SVOP: variants seen among roughly 807,000 people sequenced by gnomAD.
SVOP encodes the protein synaptic vesicle 2-related protein.
Under a neutral mutation model 69.1 loss-of-function variants are expected in SVOP, and 17 were observed. The observed-to-expected ratio is 0.25, with a 90% CI of 0.17 to 0.37. The LOEUF is 0.37. Ranked by LOEUF, SVOP falls within the 10% of genes least tolerant of loss-of-function variation. The pLI is 1.00. For missense variants in SVOP, 435 were observed against 597.5 expected, an observed-to-expected ratio of 0.73 and a Z score of 2.84; for synonymous variants, 238 against 238.6, an observed-to-expected ratio of 1.00 and a Z score of 0.02.
chr12:108,937,847 G>T (rs547096733), intron 9 of SVOP, among the ~76,000 whole-genome samples: 1 of 152,286 alleles, frequency 6.6e-6, no homozygotes, highest in Admixed American at 6.5e-5. Flanking sequence ...TTTGCTTTAC[G>T]ATGTTCTTTA....
intron 1 of SVOP, among the ~76,000 whole-genome samples, chr12:109,017,365 A>C (rs1285478936): frequency 1.4e-5 from 2 of 147,966 alleles, no homozygotes; most frequent in South Asian, 4.3e-4. Context: ...CTACCTAACC[A>C]CCCCCATCCA....
intron 2 of SVOP, among the ~76,000 whole-genome samples, chr12:108,982,414 CATCACCATCATCATG>C (rs2040141712): frequency 6.6e-6 from 1 of 150,602 alleles, no homozygotes; most frequent in Admixed American, 6.6e-5. Flanking sequence ...TCATCATCAC[CATCACCATCATCATG>C]ATCACCATCA....
chr12:108,966,528 AGGCTTGCCAGCTGCCT>A (rs1226002053), intron 5 of SVOP, among the ~76,000 whole-genome samples: 1 of 111,042 alleles, frequency 9.0e-6, no homozygotes, highest in Non-Finnish European at 2.1e-5. Flanking sequence ...GTGGTTGCCA[AGGCTTGCCAGCTGCCT>A]GGCTTGCACA....
At chr12:108,972,609 G>A (rs754295999) in intron 4 of SVOP, 133 bp from the exon 5 acceptor site, 3 of 910,750 alleles carry the variant, frequency 3.3e-6, no homozygotes, top group Admixed American at 2.1e-5. Context: ...AGCCTGCCAA[G>A]GGGCAAACAC....
At chr12:108,936,054 A>C (rs1248767244) in intron 10 of SVOP, among the ~76,000 whole-genome samples, 1 of 151,390 alleles carries the variant, frequency 6.6e-6, no homozygotes, top group Non-Finnish European at 1.5e-5. Flanking sequence ...ACACACACAC[A>C]TGTATTTTTG....
rs1036022317 is a variant in SVOP at position 108,912,332 on chromosome 12, C to T, written c.*203G>A. 5 of 1,435,544 alleles carry T rather than the reference C, an allele frequency of 3.5e-6. No homozygotes were observed. The highest frequency in any genetic ancestry group is 1.8e-6 in the Non-Finnish European group (2 of 1,099,358). The allele number at this position is 1,435,544 out of a possible 1,614,324, so 88.9% of individuals were successfully genotyped here. ...AAGCTTTCACCACATATACAGAGAA[C>T]CCCCTAGAGCAAACATCTCCCCATC... On this transcript the variant is annotated 3_prime_UTR_variant, in exon 16 of 16. Coordinates refer to ENST00000610966, the MANE Select transcript of SVOP (RefSeq NM_018711.5).
chr12:108,929,938 G>A (rs1221289065), intron 11 of SVOP, among the ~76,000 whole-genome samples: 1 of 152,068 alleles, frequency 6.6e-6, no homozygotes, highest in Non-Finnish European at 1.5e-5. Flanking sequence ...CTGGAACCCA[G>A]GTCTCCTAAT....
chr12:108,972,529 G>T, intron 4 of SVOP, 53 bp from the exon 5 acceptor site: 2 of 1,511,716 alleles, frequency 1.3e-6, no homozygotes, highest in East Asian at 2.5e-5. Flanking sequence ...TCATTGCACA[G>T]AAAGGGAACA....
At chr12:109,014,477 T>C (rs1282322658) in intron 1 of SVOP, among the ~76,000 whole-genome samples, 1 of 152,214 alleles carries the variant, frequency 6.6e-6, no homozygotes, top group East Asian at 1.9e-4. Context: ...TGTTTGGCTA[T>C]AGTGAATAAT....
chr12:108,973,690 C>CA (rs767516747), intron 4 of SVOP, among the ~76,000 whole-genome samples: 5 of 152,164 alleles, frequency 3.3e-5, no homozygotes, highest in Non-Finnish European at 7.3e-5. Flanking sequence ...TGAGCCACTA[C>CA]ACCTGGCCCG....
chr12:109,005,559 A>G (rs1044484148), intron 1 of SVOP, among the ~76,000 whole-genome samples: 6 of 152,302 alleles, frequency 3.9e-5, no homozygotes, highest in Admixed American at 1.3e-4. Flanking sequence ...ACAAGTAAAC[A>G]AATACATCAC....
At chr12:109,013,834 C>G (rs937606440) in intron 1 of SVOP, among the ~76,000 whole-genome samples, 1 of 152,064 alleles carries the variant, frequency 6.6e-6, no homozygotes, top group Non-Finnish European at 1.5e-5. Flanking sequence ...CACCAACTCC[C>G]CATTCCCTCT....
Position 108,938,937 on chromosome 12 carries a change from T to C in SVOP, c.787A>G (p.Arg263Gly). ...TGGTTCCCTGACAGCACATCATACC[T>C]TGCACTTTCAGGCAGCCACTGGGAT... ...VLCFWLPESA[R>G]YDVLSGNQEK... Residue 263 changes from arginine to glycine, a missense_variant, in exon 9 of 16, where the codon AGG becomes GGG. Arg to Gly is a moderately radical substitution (Grantham distance 125). Transcript: ENST00000610966. 1 of 1,613,982 alleles carries C rather than the reference T, an allele frequency of 6.2e-7. No homozygotes were observed. The highest frequency in any genetic ancestry group is 8.5e-7 in the Non-Finnish European group (1 of 1,179,864).
intron 9 of SVOP, among the ~76,000 whole-genome samples, chr12:108,937,799 G>C (rs760275853): frequency 6.6e-6 from 1 of 152,348 alleles, no homozygotes; most frequent in East Asian, 1.9e-4. Context: ...CTAAATGACC[G>C]ATTGGCCAAT....
chr12:108,989,184 C>T (rs1229236011), intron 1 of SVOP, among the ~76,000 whole-genome samples: 2 of 152,190 alleles, frequency 1.3e-5, no homozygotes. Flanking sequence ...ATCCTCCTGC[C>T]TCAGCCTCCT....
rs2040085144 is a variant in SVOP at position 108,972,482 on chromosome 12, G to A, written c.382-6C>T. On this transcript the variant is annotated splice_region_variant and splice_polypyrimidine_tract_variant and intron_variant, in intron 4 of 15. Transcript: ENST00000610966. ...ATCATGCCTACAAAGACCACCTGTGGGGGGAAAGACAGTTGTCATTAGACA... is the reference window on the plus strand; with the variant it reads ...ATCATGCCTACAAAGACCACCTGTGAGGGGAAAGACAGTTGTCATTAGACA... 6.5e-7 allele frequency: 1 copy of A among 1,537,204 alleles called. No homozygotes were observed. Among genetic ancestry groups the A allele is most frequent in the African/African-American group, 1.4e-5 (1 of 73,150 alleles).
intron 1 of SVOP, among the ~76,000 whole-genome samples, chr12:109,018,759 C>T (rs2040381628): frequency 1.3e-5 from 2 of 152,056 alleles, no homozygotes; most frequent in South Asian, 4.2e-4. Flanking sequence ...TGAGGGAGTC[C>T]AGTACAGTAA....
At chr12:108,996,784 T>TA (rs2040235162) in intron 1 of SVOP, among the ~76,000 whole-genome samples, 1 of 151,866 alleles carries the variant, frequency 6.6e-6, no homozygotes, top group Admixed American at 6.6e-5. Context: ...ATACAGAAAT[T>TA]AGTCGGGAGT....
chr12:108,915,466 A>G (rs560755256), intron 15 of SVOP, among the ~76,000 whole-genome samples: 1 of 152,268 alleles, frequency 6.6e-6, no homozygotes, highest in South Asian at 2.1e-4. Context: ...TTCACTCACA[A>G]TTGCCCACTT....
Sources: gnomAD v4.1 joint callset for allele counts (sites outside exome capture counted in the v4.1 genomes callset) on GRCh38, gnomAD v4.1.1 for gene constraint, MANE v1.5 for transcripts, NCBI Gene and HGNC (gene_info 2026-07-23, HGNC 2026-07-21) for gene names.